The following AGO3 variants were observed in gnomAD, a reference collection of about 807,000 sequenced individuals.
AGO3 encodes argonaute RISC catalytic component 3, also known as protein argonaute-3.
AGO3 carries 16 observed loss-of-function variants against 105.5 expected under a neutral mutation model. The ratio of observed to expected loss-of-function variants is 0.15; its 90% confidence interval spans 0.10 to 0.23. AGO3 has a LOEUF of 0.23. Ranked by LOEUF, AGO3 falls within the 10% of genes least tolerant of loss-of-function variation. The pLI is 1.00. For synonymous variants in AGO3, 340 were observed against 367.3 expected (o/e 0.93, Z 0.85); for missense variants, 534 against 1,088.0 (o/e 0.49, Z 7.16).
At chr1:35,954,871 T>A (rs1646536272) in intron 2 of AGO3, among the ~76,000 whole-genome samples, 1 of 152,222 alleles carries the variant, frequency 6.6e-6, no homozygotes. Context: ...ATATATCATC[T>A]TATGGGACCA....
intron 2 of AGO3, among the ~76,000 whole-genome samples, chr1:35,948,601 G>A (rs1047263217): frequency 2.6e-5 from 4 of 152,134 alleles, no homozygotes; most frequent in African/African-American, 9.7e-5. Context: ...TTGGTAGGGT[G>A]TGGGTAAAGG....
rs1037998745 is a variant in AGO3 at position 36,062,875 on chromosome 1, T to G, written c.*7130T>G. On this transcript the variant is annotated 3_prime_UTR_variant, in exon 19 of 19. Transcript: ENST00000373191. ...GTCTGTTTGCAAATATACATGCACA[T>G]TAAACTTTTTTGTTTTTATAATGTC... 1 of 152,246 alleles carries G rather than the reference T, an allele frequency of 6.6e-6. No homozygotes were observed. Among genetic ancestry groups the G allele is most frequent in the Non-Finnish European group, 1.5e-5 (1 of 68,040 alleles). 9.4% of individuals were successfully genotyped at this position (152,246 alleles called of 1,614,324 possible). A position where few individuals can be genotyped will look rare whatever the true frequency, so the allele number is the denominator to read the frequency against.
intron 5 of AGO3, among the ~76,000 whole-genome samples, chr1:35,988,077 A>T (rs1647286080): frequency 6.6e-6 from 1 of 152,046 alleles, no homozygotes; most frequent in Admixed American, 6.5e-5. Context: ...CAAAGAAGAA[A>T]AAAAAGAAAA....
chr1:36,007,802 G>A (rs1366280299), intron 6 of AGO3, among the ~76,000 whole-genome samples: 1 of 152,010 alleles, frequency 6.6e-6, no homozygotes. Flanking sequence ...CATAAATGTA[G>A]AACATTCCAT....
intron 17 of AGO3, among the ~76,000 whole-genome samples, chr1:36,050,832 C>A (rs368617959): frequency 6.8e-6 from 1 of 146,160 alleles, no homozygotes; most frequent in Non-Finnish European, 1.5e-5. Context: ...TGATTTCTTT[C>A]GTTTTGTTTT....
rs543276624 is a variant in AGO3, at chr1:35,994,441, G to T, written c.659-9900G>T. 8.5e-4 allele frequency among the ~76,000 whole-genome samples: 130 copies of T among 152,210 alleles called. 1 individual carries two copies. Among genetic ancestry groups the T allele is most frequent in the African/African-American group, 3.1e-3 (128 of 41,516 alleles). ...CATACAGGCATCATCATACTTCTGT[G>T]GTGAAAAGATTGTACACTTTTGCCC... On this transcript the variant is annotated intron_variant, in intron 5 of 18. Transcript: ENST00000373191.
intron 2 of AGO3, among the ~76,000 whole-genome samples, chr1:35,949,201 C>T (rs1231471637): frequency 6.6e-6 from 1 of 152,218 alleles, no homozygotes; most frequent in Non-Finnish European, 1.5e-5. Flanking sequence ...CCCCGGCCTC[C>T]CAAAGTGCTG....
Position 35,945,684 on chromosome 1 carries a change from C to T in AGO3, c.20-8C>T. The T allele has an allele frequency of 1.9e-6, 3 of 1,606,648 alleles. No homozygotes were observed. The highest frequency in any genetic ancestry group is 3.4e-5 in the Admixed American group (2 of 58,320). ...TGTGACTCTTTTTTTTTCCCTTTCC[C>T]CTGGCAGGACCCGCTGGGGCCCAGC... On this transcript the variant is annotated splice_polypyrimidine_tract_variant and splice_region_variant and intron_variant, in intron 1 of 18. Coordinates refer to ENST00000373191, the MANE Select transcript of AGO3 (RefSeq NM_024852.4).
chr1:35,963,285 C>T (rs1193352205), intron 2 of AGO3, among the ~76,000 whole-genome samples: 1 of 152,136 alleles, frequency 6.6e-6, no homozygotes, highest in East Asian at 1.9e-4. Context: ...GAGTACTTTG[C>T]ATCAATCAGA....
At chr1:35,955,655 C>T (rs754378686) in intron 2 of AGO3, among the ~76,000 whole-genome samples, 72 of 150,802 alleles carry the variant, frequency 4.8e-4, no homozygotes, top group Middle Eastern at 3.4e-3. Context: ...AGTGCAGTGG[C>T]GTGAACATGG....
At chr1:36,004,937 T>C (rs894432957) in intron 6 of AGO3, among the ~76,000 whole-genome samples, 5 of 152,166 alleles carry the variant, frequency 3.3e-5, no homozygotes, top group African/African-American at 1.2e-4. Flanking sequence ...TCATGTGTTG[T>C]TCTAGAATTA....
At position 36,060,631 on chromosome 1, in the gene AGO3, T is replaced by A. The variant is rs2148869537; in HGVS notation, c.*4886T>A. 1 of 152,354 alleles carries A rather than the reference T, an allele frequency of 6.6e-6. No individual in the cohort carries two copies. Among genetic ancestry groups the A allele is most frequent in the East Asian group, 1.9e-4 (1 of 5,194 alleles). 9.4% of individuals were successfully genotyped at this position (152,354 alleles called of 1,614,324 possible). A position where few individuals can be genotyped will look rare whatever the true frequency, so the allele number is the denominator to read the frequency against. ...GTTTAACTGACAACTCTGCAAAATT[T>A]TCATTCAGTATCATTAAACCTGAGT... is the stretch of plus-strand genomic sequence containing the variant. On this transcript the variant is annotated 3_prime_UTR_variant, in exon 19 of 19. Transcript: ENST00000373191.
chr1:36,005,129 A>T (rs1472628807), intron 6 of AGO3, among the ~76,000 whole-genome samples: 1 of 152,184 alleles, frequency 6.6e-6, no homozygotes. Context: ...TGTATTTTAT[A>T]TGTATTTAGT....
intron 1 of AGO3, 88 bp from the exon 2 acceptor site, chr1:35,945,604 T>G: frequency 7.6e-7 from 1 of 1,315,926 alleles, no homozygotes. Flanking sequence ...TTATCAGCTG[T>G]ACTTATAATT....
chr1:36,034,021 A>G (rs565050296), intron 12 of AGO3, among the ~76,000 whole-genome samples, 153 bp from the exon 13 acceptor site: 1 of 152,348 alleles, frequency 6.6e-6, no homozygotes, highest in Admixed American at 6.5e-5. Context: ...TTCAATTTTA[A>G]CAGCATCGCC....
intron 17 of AGO3, among the ~76,000 whole-genome samples, chr1:36,050,104 G>A (rs1642643050): frequency 6.6e-6 from 1 of 152,200 alleles, no homozygotes; most frequent in Admixed American, 6.5e-5. Context: ...TCCAGCAGCT[G>A]CAGAATATAC....
In AGO3 at chr1:36,055,972, T is replaced by A. The variant is rs1486759490; in HGVS notation, c.*227T>A. 4.3e-6 allele frequency: 2 copies of A among 464,908 alleles called. No homozygotes were observed. The highest frequency in any genetic ancestry group is 7.7e-6 in the Non-Finnish European group (2 of 260,158). The allele number at this position is 464,908 out of a possible 1,614,324, so 28.8% of individuals were successfully genotyped here. Reference sequence around the variant, plus strand: ...AACCAGCCAACTGCTTTTTGTGCGGTCTCCTATAGGAAGTATCGCAATTGT... The same window carrying A: ...AACCAGCCAACTGCTTTTTGTGCGGACTCCTATAGGAAGTATCGCAATTGT... On this transcript the variant is annotated 3_prime_UTR_variant, in exon 19 of 19. Transcript: ENST00000373191. This position sits in a 1 kb window ranked among gnomAD's most constrained non-coding sequence, Gnocchi z 4.4.
intron 11 of AGO3, among the ~76,000 whole-genome samples, chr1:36,023,507 A>G (rs1557694067): frequency 6.6e-6 from 1 of 152,276 alleles, no homozygotes; most frequent in Non-Finnish European, 1.5e-5. Context: ...ACTTATGTAC[A>G]GAAAAAGGAA....
chr1:35,999,819 C>G (rs1311798917), intron 5 of AGO3, among the ~76,000 whole-genome samples: 1 of 152,038 alleles, frequency 6.6e-6, no homozygotes, highest in Non-Finnish European at 1.5e-5. Flanking sequence ...TTTTGTTTCT[C>G]TCTTTCCAAC....
Sources: gnomAD v4.1 joint callset for allele counts (sites outside exome capture counted in the v4.1 genomes callset) on GRCh38, gnomAD v4.1.1 for gene constraint, Gnocchi (gnomAD v3.1) non-coding constraint, MANE v1.5 for transcripts, NCBI Gene and HGNC (gene_info 2026-07-23, HGNC 2026-07-21) for gene names.